The following KLHDC8A variants were observed in gnomAD, a reference collection of about 807,000 sequenced individuals.
KLHDC8A encodes kelch domain containing 8A, also known as kelch domain-containing protein 8A.
Under a neutral mutation model 33.1 loss-of-function variants are expected in KLHDC8A, and 21 were observed. That is an observed-to-expected ratio of 0.64 (90% CI 0.45 to 0.91). KLHDC8A has a LOEUF of 0.91. Among genes scored for constraint, KLHDC8A ranks in the 40% least tolerant of loss-of-function variants. KLHDC8A has a pLI of 0.00. For synonymous variants in KLHDC8A, 173 were observed against 193.5 expected (o/e 0.89, Z 0.88); for missense variants, 435 against 483.3 (o/e 0.90, Z 0.94).
In KLHDC8A at chr1:205,337,387, G is replaced by A; in HGVS notation, c.*12C>T. 6.2e-7 allele frequency: 1 copy of A among 1,606,912 alleles called. No individual in the cohort carries two copies. Among genetic ancestry groups the A allele is most frequent in the Non-Finnish European group, 8.5e-7 (1 of 1,174,846 alleles). Reference sequence around the variant, plus strand: ...ATATGGTCCAGGGCAAAGGTACTGAGCCCAGAGACAGCTAGGAGTCAGAGA... The same window carrying A: ...ATATGGTCCAGGGCAAAGGTACTGAACCCAGAGACAGCTAGGAGTCAGAGA... On this transcript the variant is annotated 3_prime_UTR_variant, in exon 6 of 6. Transcript: ENST00000367155.
chr1:205,339,693 C>T lies in KLHDC8A; in HGVS notation c.492G>A (p.Pro164=), dbSNP rs201029034. The T allele has an allele frequency of 4.4e-5, 71 of 1,614,160 alleles. No individual in the cohort carries two copies. The highest frequency in any genetic ancestry group is 5.4e-5 in the Non-Finnish European group (64 of 1,180,026). The change falls in exon 3 of 6, where the codon CCG becomes CCA. Residue 164 remains proline (P), a synonymous_variant. Coordinates refer to ENST00000367155, the MANE Select transcript of KLHDC8A (RefSeq NM_018203.3). The surrounding 1 kb of genome is among the most constrained non-coding windows in gnomAD (Gnocchi z 5.1). ...MWVSLAPMPT[P]RYAATSFLRG... is the part of the protein sequence containing the mutation. ...GGAGGAAGGAGGTGGCAGCATATCT[C>T]GGGGTGGGCATGGGTGCTAGGGACA...
chr1:205,340,279 T>C (rs1246840872), intron 2 of KLHDC8A, among the ~76,000 whole-genome samples: 2 of 151,992 alleles, frequency 1.3e-5, no homozygotes, highest in African/African-American at 2.4e-5. Flanking sequence ...CCTTCCAAAG[T>C]GCTGGGATTG....
intron 1 of KLHDC8A, among the ~76,000 whole-genome samples, chr1:205,348,806 C>A (rs1331106478): frequency 6.6e-6 from 1 of 152,146 alleles, no homozygotes; most frequent in Non-Finnish European, 1.5e-5. Context: ...AGGGCCCATA[C>A]CCTCCTGTAG....
chr1:205,349,840 C>T lies in KLHDC8A; in HGVS notation c.-189-6047G>A, dbSNP rs570838183. On this transcript the variant is annotated intron_variant, in intron 1 of 5. Transcript: ENST00000367155. ...AGAAGACCTCTGCTACGTCTTGTTA[C>T]GATGAAGGCTATGACCTCCAGCCTA... Among the ~76,000 whole-genome samples, 25 of 152,148 alleles carry T rather than the reference C, an allele frequency of 1.6e-4. 1 individual carries two copies. The highest frequency in any genetic ancestry group is 2.1e-4 in the Non-Finnish European group (14 of 68,022).
chr1:205,350,796 C>T (rs971366405), intron 1 of KLHDC8A, among the ~76,000 whole-genome samples: 1 of 79,508 alleles, frequency 1.3e-5, no homozygotes, highest in Non-Finnish European at 2.9e-5. Flanking sequence ...TGATGGCGTG[C>T]GTGCCTGTGT....
intron 5 of KLHDC8A, 33 bp from the exon 6 acceptor site, chr1:205,337,625 G>A (rs2102276515): frequency 6.5e-7 from 1 of 1,546,998 alleles, no homozygotes; most frequent in Non-Finnish European, 8.8e-7. Flanking sequence ...ACCTTACAAA[G>A]GAGTCCAACC....
In KLHDC8A at chr1:205,339,861, C is replaced by G. The variant is rs1265459737; in HGVS notation, c.377-53G>C. Reference sequence around the variant, plus strand: ...GGCTTAGCTCACAGGTACAGCAAGACAGGCCCACCAGCATCTATTGCCTCC... The same window carrying G: ...GGCTTAGCTCACAGGTACAGCAAGAGAGGCCCACCAGCATCTATTGCCTCC... On this transcript the variant is annotated intron_variant, in intron 2 of 5. Coordinates refer to ENST00000367155, the MANE Select transcript of KLHDC8A (RefSeq NM_018203.3). This position sits in a 1 kb window ranked among gnomAD's most constrained non-coding sequence, Gnocchi z 5.1. 1.3e-6 allele frequency: 2 copies of G among 1,555,224 alleles called. No individual in the cohort carries two copies. The highest frequency in any genetic ancestry group is 1.8e-6 in the Non-Finnish European group (2 of 1,141,606).
At chr1:205,351,099 G>T in intron 1 of KLHDC8A, 1 of 609,196 alleles carries the variant, frequency 1.6e-6, no homozygotes. Context: ...TCCCCACCCA[G>T]GAGAGAAGGG....
At chr1:205,352,776 C>T (rs1393407239) in intron 1 of KLHDC8A, among the ~76,000 whole-genome samples, 3 of 152,214 alleles carry the variant, frequency 2.0e-5, no homozygotes, top group Non-Finnish European at 2.9e-5. Flanking sequence ...CCCAGGAAGC[C>T]TGCATTTCTC....
At chr1:205,354,691 C>T (rs759943107) in intron 1 of KLHDC8A, among the ~76,000 whole-genome samples, 1 of 152,186 alleles carries the variant, frequency 6.6e-6, no homozygotes, top group Non-Finnish European at 1.5e-5. Flanking sequence ...GTGCATTCAT[C>T]ACTCTTTCCC....
At chr1:205,348,345 C>T (rs759202810) in intron 1 of KLHDC8A, 1 of 151,984 alleles carries the variant, frequency 6.6e-6, no homozygotes, top group East Asian at 1.9e-4. Flanking sequence ...TGATTAGCTG[C>T]TCCTTATCCC....
At chr1:205,348,587 T>C (rs1663011273) in intron 1 of KLHDC8A, 2 of 152,196 alleles carry the variant, frequency 1.3e-5, no homozygotes, top group African/African-American at 2.4e-5. Flanking sequence ...CTGAGTGTCC[T>C]CATCTGTGAA....
In KLHDC8A at chr1:205,356,827, A is replaced by C. The variant is rs1574919668; in HGVS notation, c.-484T>G. On this transcript the variant is annotated 5_prime_UTR_variant, in exon 1 of 6. Coordinates refer to ENST00000367155, the MANE Select transcript of KLHDC8A (RefSeq NM_018203.3). ...GGGTCCCTGAGTTCCAGGAGGCGTGACCCCCCTACTGAGAGGGCCTCAGCC... is the reference window on the plus strand; with the variant it reads ...GGGTCCCTGAGTTCCAGGAGGCGTGCCCCCCCTACTGAGAGGGCCTCAGCC... The C allele has an allele frequency of 3.5e-6, 1 of 285,674 alleles. No homozygotes were observed. The highest frequency in any genetic ancestry group is 4.5e-5 in the Admixed American group (1 of 22,440). 17.7% of individuals were successfully genotyped at this position (285,674 alleles called of 1,614,324 possible).
At chr1:205,346,232 CG>C (rs1360221633) in intron 1 of KLHDC8A, among the ~76,000 whole-genome samples, 8 of 152,184 alleles carry the variant, frequency 5.3e-5, no homozygotes, top group African/African-American at 1.4e-4. Flanking sequence ...TGAAATTTCA[CG>C]GAAACACCAA....
Position 205,339,744 on chromosome 1 carries a change from G to C in KLHDC8A, c.441C>G (p.His147Gln). The C allele has an allele frequency of 6.2e-7, 1 of 1,614,152 alleles. No homozygotes were observed. Residue 147 changes from histidine (H) to glutamine (Q), a missense_variant, in exon 3 of 6, where the codon CAC (histidine) becomes CAG (glutamine). By Grantham distance (24) the His-to-Gln change is conservative. Transcript: ENST00000367155. The surrounding 1 kb of genome is among the most constrained non-coding windows in gnomAD (Gnocchi z 5.1). Reference sequence around the variant, plus strand: ...CCCACATGTCCTTCAGCATGTCATAGTGTTGGAGGTGGTTGTGTGGACGTA... The same window carrying C: ...CCCACATGTCCTTCAGCATGTCATACTGTTGGAGGTGGTTGTGTGGACGTA... ...LDLRPHNHLQ[H>Q]YDMLKDMWVS... is the part of the protein sequence containing the mutation.
chr1:205,354,738 C>G (rs933201720), intron 1 of KLHDC8A, among the ~76,000 whole-genome samples: 1 of 152,038 alleles, frequency 6.6e-6, no homozygotes, highest in African/African-American at 2.4e-5. Context: ...AATGGGGACC[C>G]AAGGAATATT....
intron 1 of KLHDC8A, among the ~76,000 whole-genome samples, chr1:205,350,876 G>A (rs574122380): frequency 1.3e-5 from 2 of 150,540 alleles, no homozygotes; most frequent in South Asian, 4.3e-4. Flanking sequence ...TGTGTGTGCT[G>A]AGGCACTGGG....
At chr1:205,350,212 C>A (rs867414240) in intron 1 of KLHDC8A, among the ~76,000 whole-genome samples, 1 of 152,180 alleles carries the variant, frequency 6.6e-6, no homozygotes, top group Non-Finnish European at 1.5e-5. Flanking sequence ...TTGCTACCAC[C>A]ACCCTCCTTT....
At position 205,342,284 on chromosome 1, in the gene KLHDC8A, T is replaced by G. The variant is rs190808887; in HGVS notation, c.376+945A>C. Among the ~76,000 whole-genome samples the G allele has an allele frequency of 2.6e-3, 395 of 152,288 alleles. 3 individuals carry two copies. Among genetic ancestry groups the G allele is most frequent in the African/African-American group, 9.2e-3 (382 of 41,544 alleles). ...TTTACTGAGGCCTGGGATGAAGATG[T>G]GCTCTTTCCCTCCCTTGCTCTCCGT... On this transcript the variant is annotated intron_variant, in intron 2 of 5. Coordinates refer to ENST00000367155, the MANE Select transcript of KLHDC8A (RefSeq NM_018203.3).
Sources: allele counts gnomAD v4.1 joint callset (sites outside exome capture counted in the v4.1 genomes callset), GRCh38; gene constraint gnomAD v4.1.1; non-coding constraint Gnocchi (gnomAD v3.1); transcripts MANE v1.5; gene names NCBI Gene and HGNC (gene_info 2026-07-23, HGNC 2026-07-21).